PER2: variants seen among roughly 807,000 people sequenced by gnomAD.
PER2 encodes period circadian regulator 2.
PER2 carries 66 observed loss-of-function variants against 121.0 expected under a neutral mutation model. The observed-to-expected ratio is 0.55, with a 90% CI of 0.45 to 0.67. The LOEUF (loss-of-function observed/expected upper bound fraction) is 0.67. Ranked by LOEUF, PER2 falls within the 30% of genes least tolerant of loss-of-function variation. PER2 has a pLI of 0.00. For synonymous variants in PER2, 684 were observed against 659.9 expected, an observed-to-expected ratio of 1.04 and a Z score of -0.56; for missense variants, 1,521 against 1,635.0, an observed-to-expected ratio of 0.93 and a Z score of 1.20.
intron 1 of PER2, among the ~76,000 whole-genome samples, chr2:238,278,284 T>C (rs1696520882): frequency 6.6e-6 from 1 of 152,178 alleles, no homozygotes; most frequent in Admixed American, 6.6e-5. Flanking sequence ...TTGCCCAGAC[T>C]GGTCTCGAAC....
chr2:238,287,059 C>G lies in PER2; in HGVS notation c.-20+1290G>C, dbSNP rs775388450. 1.3e-3 allele frequency among the ~76,000 whole-genome samples: 194 copies of G among 152,218 alleles called. 1 individual carries two copies. Among genetic ancestry groups the G allele is most frequent in the Non-Finnish European group, 1.0e-3 (69 of 68,038 alleles). ...ACTGCCCAATCTGAGCCCCTCCAAA[C>G]AAACAAGGAAACTGAGGCCCAGACT... On this transcript the variant is annotated intron_variant, in intron 1 of 22. Transcript: ENST00000254657.
chr2:238,270,636 G>A (rs888416322), intron 6 of PER2, among the ~76,000 whole-genome samples: 4 of 152,228 alleles, frequency 2.6e-5, no homozygotes, highest in Admixed American at 6.5e-5. Context: ...CAGAGGCACC[G>A]GCAGAGGCCC....
chr2:238,279,042 G>A (rs1696547891), intron 1 of PER2, among the ~76,000 whole-genome samples: 2 of 152,088 alleles, frequency 1.3e-5, no homozygotes, highest in Non-Finnish European at 2.9e-5. Flanking sequence ...ACTGAGGGGG[G>A]GTGAACAGAG....
intron 9 of PER2, among the ~76,000 whole-genome samples, chr2:238,263,648 TGTCCAGC>T (rs1273032623): frequency 6.6e-6 from 1 of 152,174 alleles, no homozygotes; most frequent in Non-Finnish European, 1.5e-5. Context: ...CTTCTGTTTG[TGTCCAGC>T]GCCCTCTGCC....
At chr2:238,249,359 C>T (rs1197362399) in intron 21 of PER2, 147 bp from the exon 22 acceptor site, 3 of 739,364 alleles carry the variant, frequency 4.1e-6, no homozygotes, top group Non-Finnish European at 6.6e-6. Context: ...GTAACTTAAT[C>T]TCCCTAGTAA....
the PER2 span, among the ~76,000 whole-genome samples, chr2:238,297,744 G>C: frequency 1.2e-4 from 18 of 152,316 alleles, no homozygotes; most frequent in Admixed American, 1.2e-3. Flanking sequence ...ACTGCCATAG[G>C]TGCTGCCAGG....
Position 238,268,307 on chromosome 2 carries a change from T to C in PER2, c.825-109A>G. The C allele has an allele frequency of 1.7e-6, 2 of 1,162,488 alleles. No homozygotes were observed. The highest frequency in any genetic ancestry group is 2.5e-6 in the Non-Finnish European group (2 of 798,786). 72.0% of individuals were successfully genotyped at this position (1,162,488 alleles called of 1,614,324 possible). A position where few individuals can be genotyped will look rare whatever the true frequency, so the allele number is the denominator to read the frequency against. ...TGCCATGCTGCAGGTGATGTGTACC[T>C]CTGCTCTGCCTGAGGAGCTGGGCCT... On this transcript the variant is annotated intron_variant, in intron 7 of 22. Transcript: ENST00000254657. The surrounding 1 kb of genome is among the most constrained non-coding windows in gnomAD (Gnocchi z 4.0).
chr2:238,252,837 T>G lies in PER2; in HGVS notation c.3111+75A>C, dbSNP rs908569095. ...AATCGTGTAACCCCCATGTCTGAAC[T>G]GAGGATGTGCGGCCGGCCTGCCAGG... is the stretch of plus-strand genomic sequence containing the variant. On this transcript the variant is annotated intron_variant, in intron 19 of 22. Transcript: ENST00000254657. The surrounding 1 kb of genome is among the most constrained non-coding windows in gnomAD (Gnocchi z 4.2). 7 of 1,278,786 alleles carry G rather than the reference T, an allele frequency of 5.5e-6. No individual in the cohort carries two copies. The highest frequency in any genetic ancestry group is 1.7e-5 in the Admixed American group (1 of 59,608). The allele number at this position is 1,278,786 out of a possible 1,614,324, so 79.2% of individuals were successfully genotyped here.
chr2:238,286,421 C>G (rs532511890), intron 1 of PER2, among the ~76,000 whole-genome samples: 21 of 151,882 alleles, frequency 1.4e-4, no homozygotes, highest in Non-Finnish European at 2.9e-4. Context: ...CTAATTTGCT[C>G]TAGACTTGGA....
At position 238,251,658 on chromosome 2, in the gene PER2, G is replaced by A; in HGVS notation, c.3215C>T (p.Ala1072Val). ...GCCGGAGCCCAGAGACTCCGAAGCA[G>A]CAGAGCCCGAGGCTGAGCAGAGGTC... is the stretch of plus-strand genomic sequence containing the variant. ...NEDLCSASGSAASESLGSGSL... is the reference protein window; with the variant it reads ...NEDLCSASGSVASESLGSGSL... Residue 1072 changes from alanine to valine, a missense_variant, in exon 20 of 23, where the codon GCT (alanine) becomes GTT (valine). By Grantham distance (64) the Ala-to-Val change is moderately conservative. Coordinates refer to ENST00000254657, the MANE Select transcript of PER2 (RefSeq NM_022817.3). 1 of 1,614,224 alleles carries A rather than the reference G, an allele frequency of 6.2e-7. No individual in the cohort carries two copies. The highest frequency in any genetic ancestry group is 8.5e-7 in the Non-Finnish European group (1 of 1,180,026).
At chr2:238,293,256 A>G (rs986264873), upstream of PER2, among the ~76,000 whole-genome samples, 17 of 152,206 alleles carry the variant, frequency 1.1e-4, no homozygotes, top group African/African-American at 3.9e-4. Flanking sequence ...ATATAAATGA[A>G]TAAAATAATT....
the PER2 span, among the ~76,000 whole-genome samples, chr2:238,296,028 C>G: frequency 6.6e-6 from 1 of 151,418 alleles, no homozygotes; most frequent in South Asian, 2.1e-4. Flanking sequence ...GTCGTGTGCC[C>G]TCCTGCTGCA....
At position 238,263,016 on chromosome 2, in the gene PER2, T is replaced by G; in HGVS notation, c.1089A>C (p.Glu363Asp). The G allele has an allele frequency of 3.1e-6, 5 of 1,613,972 alleles. No homozygotes were observed. Among genetic ancestry groups the G allele is most frequent in the Non-Finnish European group, 4.2e-6 (5 of 1,179,912 alleles). ...LLGYLPQDLI[E>D]TPVLVQLHPS... Reference sequence around the variant, plus strand: ...GGTGGAGCTGCACGAGCACTGGGGTTTCAATCAGGTCCTGAGGTAGGTAGC... The same window carrying G: ...GGTGGAGCTGCACGAGCACTGGGGTGTCAATCAGGTCCTGAGGTAGGTAGC... The change falls in exon 10 of 23, where the codon GAA (glutamate) becomes GAC (aspartate). Residue 363 changes from glutamate to aspartate, a missense_variant. Glu to Asp is a conservative substitution (Grantham distance 45). Transcript: ENST00000254657.
intron 20 of PER2, 67 bp downstream of exon 20, chr2:238,251,532 T>C (rs2106365634): frequency 6.9e-7 from 1 of 1,443,766 alleles, no homozygotes. Flanking sequence ...GGCCGGCCTG[T>C]GACTCTGGAG....
chr2:238,268,304 A>G lies in PER2; in HGVS notation c.825-106T>C. 2.5e-6 allele frequency: 3 copies of G among 1,179,338 alleles called. No homozygotes were observed. The South Asian group carries it at 3.8e-5, about 15-fold the overall frequency. The allele number at this position is 1,179,338 out of a possible 1,614,324, so 73.1% of individuals were successfully genotyped here. A position where few individuals can be genotyped will look rare whatever the true frequency, so the allele number is the denominator to read the frequency against. ...CCATGCCATGCTGCAGGTGATGTGT[A>G]CCTCTGCTCTGCCTGAGGAGCTGGG... On this transcript the variant is annotated intron_variant, in intron 7 of 22. Coordinates refer to ENST00000254657, the MANE Select transcript of PER2 (RefSeq NM_022817.3). This position sits in a 1 kb window ranked among gnomAD's most constrained non-coding sequence, Gnocchi z 4.0.
Position 238,255,690 on chromosome 2 carries a change from G to A in PER2, c.2287C>T (p.Gln763Ter). 1 of 1,614,196 alleles carries A rather than the reference G, an allele frequency of 6.2e-7. No individual in the cohort carries two copies. The highest frequency in any genetic ancestry group is 8.5e-7 in the Non-Finnish European group (1 of 1,180,004). The change falls in exon 18 of 23, where the codon CAA (glutamine) becomes TAA (stop). Residue 763 changes from glutamine (Q) to a stop codon, truncating the protein, a stop_gained. Coordinates refer to ENST00000254657, the MANE Select transcript of PER2 (RefSeq NM_022817.3). LOFTEE classifies it high-confidence loss of function. ...IFQSHCHYYL[Q>*]ERSKGQPSER... ...CTTGGCTGCCCCTTGGATCTTTCTT[G>A]CAAGTAGTAATGGCAGTGGGACTGG...
At chr2:238,263,479 G>T (rs1695998376) in intron 9 of PER2, among the ~76,000 whole-genome samples, 2 of 151,936 alleles carry the variant, frequency 1.3e-5, no homozygotes, top group African/African-American at 4.8e-5. Flanking sequence ...TTCCAGCCTG[G>T]TCTCGTGTGA....
intron 3 of PER2, among the ~76,000 whole-genome samples, chr2:238,276,661 G>T (rs560073808): frequency 6.4e-4 from 97 of 152,362 alleles, no homozygotes; most frequent in African/African-American, 2.1e-3. Flanking sequence ...AGACAGGACA[G>T]CGGGGCACTG....
chr2:238,270,745 G>A (rs567403492), intron 6 of PER2, among the ~76,000 whole-genome samples: 5 of 152,350 alleles, frequency 3.3e-5, no homozygotes, highest in Admixed American at 1.3e-4. Flanking sequence ...CAGGGTAGAC[G>A]GTGGCTACAG....
Sources: gnomAD v4.1 joint callset for allele counts (sites outside exome capture counted in the v4.1 genomes callset) on GRCh38, gnomAD v4.1.1 for gene constraint, Gnocchi (gnomAD v3.1) non-coding constraint, MANE v1.5 for transcripts, NCBI Gene and HGNC (gene_info 2026-07-23, HGNC 2026-07-21) for gene names.